Variants in TEX35 observed in about 807,000 individuals in gnomAD.
TEX35 encodes testis-expressed protein 35.
In TEX35, 26 loss-of-function variants were observed where a neutral mutation model predicts 31.9. The ratio of observed to expected loss-of-function variants is 0.81; its 90% CI spans 0.60 to 1.13. The LOEUF (loss-of-function observed/expected upper bound fraction) is 1.13, where lower values mean the gene tolerates loss of function less well. Among genes scored for constraint, TEX35 ranks in the 50% most tolerant of loss-of-function variants. The pLI is 0.00. For synonymous variants in TEX35, 87 were observed against 90.7 expected, an observed-to-expected ratio of 0.96 and a Z score of 0.23; for missense variants, 278 against 273.5, an observed-to-expected ratio of 1.02 and a Z score of -0.12.
chr1:178,523,225 C>A, downstream of TEX35: 1 of 688,846 alleles, frequency 1.5e-6, no homozygotes, highest in South Asian at 1.5e-5. Flanking sequence ...CTTCCGAATC[C>A]TGGCTATTGT....
At chr1:178,521,823 T>C (rs1650297056) in intron 8 of TEX35, 11 of 1,534,876 alleles carry the variant, frequency 7.2e-6, no homozygotes, top group East Asian at 2.5e-5. Context: ...GGGGATGTCA[T>C]GGTTTTGAGT....
In TEX35 at chr1:178,520,892, C is replaced by G; in HGVS notation, c.543+18C>G. 1.2e-6 allele frequency: 2 copies of G among 1,613,290 alleles called. No homozygotes were observed. Among genetic ancestry groups the G allele is most frequent in the Middle Eastern group, 1.7e-4 (1 of 5,738 alleles). ...CCTGCTGCGTAAGTGAAACCCTGCC[C>G]GAGCCCAGCACTGGTGCCAGACCCC... On this transcript the variant is annotated intron_variant, in intron 7 of 8. Coordinates refer to ENST00000319416, the MANE Select transcript of TEX35 (RefSeq NM_032126.5).
chr1:178,521,505 C>A, intron 8 of TEX35: 1 of 1,131,102 alleles, frequency 8.8e-7, no homozygotes, highest in Non-Finnish European at 1.3e-6. Flanking sequence ...GAGGGTGCAC[C>A]ACTAGTGGCG....
chr1:178,520,382 A>C lies in TEX35; in HGVS notation c.287A>C (p.Lys96Thr). ...AATTCTCTCTCGAAGGAAATGCAGA[A>C]AGATATGGATGAGAAGATGGACATT... The part of the protein sequence containing the change: ...EFVEIMKEMQ[K>T]DMDEKMDILI... The change falls in exon 6 of 9, where the codon AAA becomes ACA. Residue 96 changes from lysine to threonine, a missense_variant. By Grantham distance (78) the Lys-to-Thr change is moderately conservative (BLOSUM62 -1). Coordinates refer to ENST00000319416, the MANE Select transcript of TEX35 (RefSeq NM_032126.5). 6.2e-7 allele frequency: 1 copy of C among 1,613,856 alleles called. No homozygotes were observed. The highest frequency in any genetic ancestry group is 8.5e-7 in the Non-Finnish European group (1 of 1,179,964).
chr1:178,523,479 G>A (rs1404323850), downstream of TEX35: 2 of 476,866 alleles, frequency 4.2e-6, no homozygotes, highest in South Asian at 3.4e-5. Context: ...AATGAGCAAT[G>A]TATTTGGTGC....
At chr1:178,515,775 G>A (rs1033130028) in intron 3 of TEX35, 84 bp from the exon 4 acceptor site, 11 of 1,090,072 alleles carry the variant, frequency 1.0e-5, no homozygotes, top group Non-Finnish European at 1.4e-5. Context: ...AGTGTCCCAG[G>A]ATCTTTCCTT....
At chr1:178,522,197 T>G in intron 8 of TEX35, 128 bp from the exon 9 acceptor site, 36 of 1,303,038 alleles carry the variant, frequency 2.8e-5, no homozygotes, top group Non-Finnish European at 3.3e-5. Flanking sequence ...CACACCCCTC[T>G]GAGGTCTTGT....
intron 5 of TEX35, 93 bp from the exon 6 acceptor site, chr1:178,520,279 A>T (rs1650216902): frequency 2.3e-6 from 3 of 1,278,492 alleles, no homozygotes; most frequent in Non-Finnish European, 3.3e-6. Context: ...TTCTTGAGGA[A>T]GTAAGATGCA....
Position 178,516,445 on chromosome 1 carries a change from C to T in TEX35, c.217-170C>T, listed in dbSNP as rs531426624. On this transcript the variant is annotated intron_variant, in intron 4 of 8. Transcript: ENST00000319416. ...TGGTGGTGACTTGATGGTGCTTGCA[C>T]CCTAGTCCCTTCACAGACTCCTTGA... 4.5e-5 allele frequency: 27 copies of T among 598,978 alleles called. No homozygotes were observed. In the South Asian group the frequency reaches 5.5e-4, roughly 12 times the overall value. The allele number at this position is 598,978 out of a possible 1,614,324, so 37.1% of individuals were successfully genotyped here. A position where few individuals can be genotyped will look rare whatever the true frequency, so the allele number is the denominator to read the frequency against.
chr1:178,519,690 T>G (rs1328760818), intron 5 of TEX35, among the ~76,000 whole-genome samples: 3 of 152,238 alleles, frequency 2.0e-5, no homozygotes, highest in African/African-American at 4.8e-5. Flanking sequence ...TGGAATAAAT[T>G]GTTTTTATTT....
intron 5 of TEX35, among the ~76,000 whole-genome samples, chr1:178,518,384 C>T (rs950398872): frequency 1.2e-4 from 18 of 151,972 alleles, no homozygotes; most frequent in Admixed American, 2.0e-4. Context: ...TAATCAGAAA[C>T]GCCATCATGG....
chr1:178,516,675 G>A lies in TEX35; in HGVS notation c.276+1G>A, dbSNP rs569076514. The A allele has an allele frequency of 5.0e-6, 8 of 1,607,756 alleles. No homozygotes were observed. The highest frequency in any genetic ancestry group is 1.7e-4 in the Middle Eastern group (1 of 6,054). ...TCACGAATTTGTGGAAATTATGAAGGTAAGCATTACTTGAGTGCCTTCCAT... is the reference window on the plus strand; with the variant it reads ...TCACGAATTTGTGGAAATTATGAAGATAAGCATTACTTGAGTGCCTTCCAT... On this transcript the variant is annotated splice_donor_variant, in intron 5 of 8. Coordinates refer to ENST00000319416, the MANE Select transcript of TEX35 (RefSeq NM_032126.5). LOFTEE classifies it high-confidence loss of function.
In TEX35 at chr1:178,520,363, C is replaced by G. The variant is rs1650219890; in HGVS notation, c.277-9C>G. 1.2e-6 allele frequency: 2 copies of G among 1,612,492 alleles called. No homozygotes were observed. The highest frequency in any genetic ancestry group is 1.1e-5 in the South Asian group (1 of 90,588). Reference sequence around the variant, plus strand: ...AATGAAGATGCTAGTTCTGAATTCTCTCTCGAAGGAAATGCAGAAAGATAT... The same window carrying G: ...AATGAAGATGCTAGTTCTGAATTCTGTCTCGAAGGAAATGCAGAAAGATAT... On this transcript the variant is annotated splice_polypyrimidine_tract_variant and intron_variant, in intron 5 of 8. Transcript: ENST00000319416.
At chr1:178,515,838 T>G (rs1272708182) in intron 3 of TEX35, 21 bp from the exon 4 acceptor site, 6 of 1,600,900 alleles carry the variant, frequency 3.7e-6, no homozygotes, top group Non-Finnish European at 5.1e-6. Flanking sequence ...CCTCCTTCTC[T>G]TCTCCATTTT....
chr1:178,517,778 A>C (rs1650132465), intron 5 of TEX35, among the ~76,000 whole-genome samples: 1 of 152,250 alleles, frequency 6.6e-6, no homozygotes, highest in South Asian at 2.1e-4. Flanking sequence ...AAGCCAGTTA[A>C]CACTGTAAAG....
At chr1:178,520,349 T>G (rs1481279708) in intron 5 of TEX35, 23 bp from the exon 6 acceptor site, 2 of 1,609,630 alleles carry the variant, frequency 1.2e-6, no homozygotes, top group Non-Finnish European at 1.7e-6. Flanking sequence ...ATGAAGATGC[T>G]AGTTCTGAAT....
At chr1:178,516,521 C>A in intron 4 of TEX35, 94 bp from the exon 5 acceptor site, 1 of 1,040,318 alleles carries the variant, frequency 9.6e-7, no homozygotes, top group South Asian at 1.4e-5. Flanking sequence ...GAGAAGCAGC[C>A]ACTGCCCTTT....
In TEX35 at chr1:178,522,546, G is replaced by A; in HGVS notation, c.*106G>A. 12 of 1,323,968 alleles carry A rather than the reference G, an allele frequency of 9.1e-6. No individual in the cohort carries two copies. Among genetic ancestry groups the A allele is most frequent in the Non-Finnish European group, 1.1e-5 (11 of 1,028,406 alleles). 82.0% of individuals were successfully genotyped at this position (1,323,968 alleles called of 1,614,324 possible). Reference sequence around the variant, plus strand: ...ATTCTTTGGCTTCAATTTGAAGGACGAGGAATGATGGGATTTCATATTTTA... The same window carrying A: ...ATTCTTTGGCTTCAATTTGAAGGACAAGGAATGATGGGATTTCATATTTTA... On this transcript the variant is annotated 3_prime_UTR_variant, in exon 9 of 9. Transcript: ENST00000319416.
intron 8 of TEX35, chr1:178,522,080 C>A (rs1650307291): frequency 4.6e-6 from 3 of 653,250 alleles, no homozygotes; most frequent in East Asian, 5.8e-5. Flanking sequence ...AGAGACCCTG[C>A]TGCCTGGCCC....
Sources: gnomAD v4.1 joint callset for allele counts (sites outside exome capture counted in the v4.1 genomes callset) on GRCh38, gnomAD v4.1.1 for gene constraint, MANE v1.5 for transcripts, NCBI Gene and HGNC (gene_info 2026-07-23, HGNC 2026-07-21) for gene names.